Variants in SORBS2 observed in about 807,000 individuals in gnomAD.
The protein encoded by SORBS2 is sorbin and SH3 domain containing 2.
A neutral mutation model predicts 97.7 loss-of-function variants in SORBS2; 46 were observed. That is an observed-to-expected ratio of 0.47 (90% confidence interval 0.37 to 0.60). The LOEUF (loss-of-function observed/expected upper bound fraction) is 0.60, where lower values mean the gene tolerates loss of function less well. Among genes scored for constraint, SORBS2 ranks in the 20% least tolerant of loss-of-function variants. The pLI, the probability that SORBS2 is intolerant of heterozygous loss-of-function variation, is 0.00. For synonymous variants in SORBS2, 476 were observed against 473.4 expected (o/e 1.01, Z -0.07); for missense variants, 1,316 against 1,282.3 (o/e 1.03, Z -0.40).
intron 1 of SORBS2, among the ~76,000 whole-genome samples, chr4:185,831,392 T>C (rs902538537): frequency 1.1e-4 from 17 of 152,362 alleles, no homozygotes; most frequent in Admixed American, 2.6e-4. Flanking sequence ...ACTTTGGAAA[T>C]AGTTTTCTCC....
At chr4:185,694,143 A>G (rs996265690) in intron 2 of SORBS2, among the ~76,000 whole-genome samples, 16 of 152,256 alleles carry the variant, frequency 1.1e-4, no homozygotes, top group African/African-American at 3.9e-4. Flanking sequence ...TGCTAAGTCC[A>G]TTAACAAATC....
intron 2 of SORBS2, among the ~76,000 whole-genome samples, chr4:185,762,936 C>G (rs2098909095): frequency 6.6e-6 from 1 of 152,178 alleles, no homozygotes; most frequent in Non-Finnish European, 1.5e-5. Context: ...TGCCTGTAAT[C>G]CCAGCACTTT....
At chr4:185,929,893 T>C (rs967568316) in intron 1 of SORBS2, among the ~76,000 whole-genome samples, 4 of 152,144 alleles carry the variant, frequency 2.6e-5, no homozygotes, top group African/African-American at 9.7e-5. Context: ...TTGAATCTCA[T>C]ATTCTGCTAT....
intron 4 of SORBS2, among the ~76,000 whole-genome samples, chr4:185,673,241 G>T (rs2097744088): frequency 6.6e-6 from 1 of 152,166 alleles, no homozygotes. Flanking sequence ...CTAGAGATCT[G>T]CTGCACTGCA....
intron 1 of SORBS2, among the ~76,000 whole-genome samples, chr4:185,837,864 T>C (rs1450321495): frequency 2.0e-5 from 3 of 151,568 alleles, no homozygotes; most frequent in African/African-American, 7.3e-5. Flanking sequence ...AAACCCACAT[T>C]GCTTTGAGAA....
chr4:185,924,307 T>C (rs1429363408), intron 1 of SORBS2, among the ~76,000 whole-genome samples: 1 of 152,312 alleles, frequency 6.6e-6, no homozygotes, highest in East Asian at 1.9e-4. Context: ...CCTTAGAAGT[T>C]TGGGGAAGCA....
intron 1 of SORBS2, among the ~76,000 whole-genome samples, chr4:185,857,973 G>T (rs1055624414): frequency 6.6e-6 from 1 of 152,112 alleles, no homozygotes; most frequent in Non-Finnish European, 1.5e-5. Flanking sequence ...TTTGCCTTGT[G>T]ATCTTTTATT....
At chr4:185,866,024 G>A (rs1426044655) in intron 1 of SORBS2, among the ~76,000 whole-genome samples, 1 of 152,154 alleles carries the variant, frequency 6.6e-6, no homozygotes, top group Non-Finnish European at 1.5e-5. Context: ...GTTTTGATAT[G>A]TACAAATTGC....
chr4:185,920,522 A>G (rs915440533), intron 1 of SORBS2, among the ~76,000 whole-genome samples: 1 of 152,186 alleles, frequency 6.6e-6, no homozygotes, highest in Non-Finnish European at 1.5e-5. Context: ...ATCCTTCCTA[A>G]AAGTGCTTCA....
intron 2 of SORBS2, among the ~76,000 whole-genome samples, chr4:185,723,139 TA>T (rs111928879): frequency 0.097 from 14,628 of 150,178 alleles, 1,139 homozygotes; most frequent in African/African-American, 0.22. Flanking sequence ...CAATAACCAT[TA>T]AAAAAAAATA....
At chr4:185,694,085 G>C (rs1322907918) in intron 2 of SORBS2, among the ~76,000 whole-genome samples, 2 of 152,164 alleles carry the variant, frequency 1.3e-5, no homozygotes, top group African/African-American at 4.8e-5. Flanking sequence ...AAACCGAAAG[G>C]CTTCTTGGGT....
intron 1 of SORBS2, among the ~76,000 whole-genome samples, chr4:185,883,781 A>G (rs1013747119): frequency 2.0e-5 from 3 of 152,208 alleles, no homozygotes; most frequent in Non-Finnish European, 4.4e-5. Context: ...CCAGAAGTTC[A>G]AGGCTGCAGT....
chr4:185,737,170 T>C (rs907319295), intron 2 of SORBS2, among the ~76,000 whole-genome samples: 5 of 152,230 alleles, frequency 3.3e-5, no homozygotes. Context: ...GCTTCCTTAC[T>C]GTTTTCAAGG....
At chr4:185,879,386 A>G (rs1343674387) in intron 1 of SORBS2, among the ~76,000 whole-genome samples, 5 of 152,006 alleles carry the variant, frequency 3.3e-5, no homozygotes, top group Non-Finnish European at 7.4e-5. Context: ...TCCATGGTGT[A>G]TATGTGCCAC....
At chr4:185,942,009 G>A (rs2019087) in intron 1 of SORBS2, among the ~76,000 whole-genome samples, 17,812 of 151,946 alleles carry the variant, frequency 0.12, 1,292 homozygotes, top group Middle Eastern at 0.24. Flanking sequence ...CCAGCTACTC[G>A]GGAGTCTGAG....
chr4:185,838,390 G>A (rs373916822), intron 1 of SORBS2, among the ~76,000 whole-genome samples: 6 of 152,368 alleles, frequency 3.9e-5, no homozygotes, highest in African/African-American at 1.4e-4. Context: ...CAGAACCCTG[G>A]AAATTCTCCA....
intron 5 of SORBS2, among the ~76,000 whole-genome samples, chr4:185,629,403 C>A (rs1157055763): frequency 6.6e-6 from 1 of 151,862 alleles, no homozygotes; most frequent in Non-Finnish European, 1.5e-5. Context: ...CACTCAGAAA[C>A]CCAATTTATG....
chr4:185,645,412 A>G (rs1367652480), intron 4 of SORBS2, among the ~76,000 whole-genome samples: 1 of 151,744 alleles, frequency 6.6e-6, no homozygotes, highest in Non-Finnish European at 1.5e-5. Context: ...TTTTTCTTTC[A>G]GTTTTTCTTT....
intron 1 of SORBS2, among the ~76,000 whole-genome samples, chr4:185,805,954 G>C (rs2099151562): frequency 6.6e-6 from 1 of 152,196 alleles, no homozygotes; most frequent in African/African-American, 2.4e-5. Context: ...AAGGCATCTT[G>C]ATAATCTACC....
Sources: gnomAD v4.1 joint callset for allele counts (sites outside exome capture counted in the v4.1 genomes callset) on GRCh38, gnomAD v4.1.1 for gene constraint, MANE v1.5 for transcripts, NCBI Gene and HGNC (gene_info 2026-07-23, HGNC 2026-07-21) for gene names.